PDE10A: variants seen among roughly 807,000 people sequenced by gnomAD.
PDE10A encodes the protein cAMP and cAMP-inhibited cGMP 3',5'-cyclic phosphodiesterase 10A.
In PDE10A, 39 loss-of-function variants were observed where a neutral mutation model predicts 97.7. The observed-to-expected ratio is 0.40, with a 90% CI of 0.31 to 0.52. The LOEUF is 0.52. Among genes scored for constraint, PDE10A ranks in the 20% least tolerant of loss-of-function variants. The pLI is 0.56. For synonymous variants in PDE10A, 371 were observed against 376.8 expected (o/e 0.98, Z 0.18); for missense variants, 731 against 1,047.8 (o/e 0.70, Z 4.17).
At chr6:165,826,690 G>A (rs534692240) in intron 1 of PDE10A, among the ~76,000 whole-genome samples, 24 of 152,028 alleles carry the variant, frequency 1.6e-4, no homozygotes, top group Non-Finnish European at 2.6e-4. Context: ...CTGACCAGAG[G>A]CACGGTGGGA....
At chr6:165,690,613 A>T (rs1402485716) in intron 1 of PDE10A, among the ~76,000 whole-genome samples, 1 of 152,166 alleles carries the variant, frequency 6.6e-6, no homozygotes. Context: ...TAGGATGTTC[A>T]TGGGGCTTCC....
chr6:165,588,271 A>ATTTTTT (rs1207879704), intron 1 of PDE10A, among the ~76,000 whole-genome samples: 6 of 103,408 alleles, frequency 5.8e-5, no homozygotes, highest in Non-Finnish European at 1.1e-4. Context: ...ATAAAGTGAG[A>ATTTTTT]TTTTTTTTTC....
rs9355546 is a variant in PDE10A, at chr6:165,704,392, T to C, written c.-614-160824A>G. 1.1e-3 allele frequency among the ~76,000 whole-genome samples: 160 copies of C among 152,284 alleles called. 4 individuals carry two copies. In the East Asian group the frequency reaches 0.027, roughly 26 times the overall value. On this transcript the variant is annotated intron_variant, in intron 1 of 19. Coordinates refer to the PDE10A transcript ENST00000366882. ...CCCAGTACGGTAGGATATACTCAGCTGAGATAACATCAGCAAAAATGCGCA... is the reference window on the plus strand; with the variant it reads ...CCCAGTACGGTAGGATATACTCAGCCGAGATAACATCAGCAAAAATGCGCA...
intron 1 of PDE10A, among the ~76,000 whole-genome samples, chr6:165,959,820 G>A (rs1784304613): frequency 6.6e-6 from 1 of 152,070 alleles, no homozygotes. Context: ...GGCAACTTAG[G>A]AGGGCCACCC....
intron 1 of PDE10A, among the ~76,000 whole-genome samples, chr6:165,610,530 C>CAA (rs201763144): frequency 7.3e-5 from 4 of 55,058 alleles, no homozygotes; most frequent in Non-Finnish European, 7.7e-5. Flanking sequence ...GACTCCGTCT[C>CAA]AAAAAAAAAA....
chr6:165,400,081 T>C (rs574233767), intron 13 of PDE10A, among the ~76,000 whole-genome samples: 4 of 152,306 alleles, frequency 2.6e-5, no homozygotes, highest in East Asian at 1.9e-4. Context: ...AAGGAAAGGA[T>C]AGTCGATTCA....
intron 1 of PDE10A, among the ~76,000 whole-genome samples, chr6:165,985,573 A>T (rs888629724): frequency 6.6e-6 from 1 of 152,190 alleles, no homozygotes; most frequent in Admixed American, 6.5e-5. Context: ...AAGATTTCAC[A>T]TGACGCAGCC....
intron 21 of PDE10A, among the ~76,000 whole-genome samples, chr6:165,335,836 G>A (rs1431174824): frequency 6.6e-6 from 1 of 151,614 alleles, no homozygotes; most frequent in Non-Finnish European, 1.5e-5. Context: ...ACTGTGTCTG[G>A]CCCCAGCCCC....
intron 1 of PDE10A, among the ~76,000 whole-genome samples, chr6:165,708,025 C>A (rs1198235031): frequency 6.6e-6 from 1 of 152,170 alleles, no homozygotes; most frequent in Non-Finnish European, 1.5e-5. Flanking sequence ...CACAAACCAA[C>A]CCTCTTGACT....
intron 1 of PDE10A, among the ~76,000 whole-genome samples, chr6:165,726,588 C>T (rs1243564853): frequency 6.6e-6 from 1 of 151,066 alleles, no homozygotes; most frequent in Non-Finnish European, 1.5e-5. Flanking sequence ...CCCCGGTGGT[C>T]CACACCTCCT....
chr6:165,500,335 C>T (rs1428412053), intron 2 of PDE10A, among the ~76,000 whole-genome samples: 1 of 152,080 alleles, frequency 6.6e-6, no homozygotes, highest in Non-Finnish European at 1.5e-5. Context: ...AAGAAGTAGA[C>T]ATAAGAGACT....
intron 2 of PDE10A, among the ~76,000 whole-genome samples, chr6:165,494,070 C>T (rs1249201887): frequency 6.6e-6 from 1 of 151,764 alleles, no homozygotes; most frequent in Admixed American, 6.6e-5. Context: ...TGAAAAAATA[C>T]TCAACATCAC....
intron 3 of PDE10A, among the ~76,000 whole-genome samples, chr6:165,481,412 C>A (rs969985929): frequency 6.6e-6 from 1 of 152,094 alleles, no homozygotes; most frequent in Non-Finnish European, 1.5e-5. Context: ...TATCTCCACA[C>A]CCCCAACCCC....
intron 1 of PDE10A, among the ~76,000 whole-genome samples, chr6:165,595,436 T>C (rs989947157): frequency 2.0e-5 from 3 of 152,258 alleles, no homozygotes; most frequent in African/African-American, 7.2e-5. Flanking sequence ...AATTATTATC[T>C]TTCATTGTTC....
At chr6:165,877,554 C>T (rs951325518) in intron 1 of PDE10A, among the ~76,000 whole-genome samples, 23 of 152,194 alleles carry the variant, frequency 1.5e-4, no homozygotes, top group African/African-American at 4.8e-4. Context: ...CATATATATA[C>T]AACTTTTATA....
chr6:165,547,260 C>T (rs1391407899), intron 1 of PDE10A, among the ~76,000 whole-genome samples: 3 of 152,226 alleles, frequency 2.0e-5, no homozygotes, highest in Middle Eastern at 3.4e-3. Flanking sequence ...CTTTCATTTT[C>T]ATTTCATTTT....
intron 1 of PDE10A, among the ~76,000 whole-genome samples, chr6:165,925,839 A>G (rs957784514): frequency 2.0e-5 from 3 of 152,172 alleles, no homozygotes; most frequent in African/African-American, 7.2e-5. Context: ...GTCTGATAAG[A>G]CCACATAGAA....
intron 1 of PDE10A, among the ~76,000 whole-genome samples, chr6:165,835,999 C>T (rs1369069291): frequency 6.6e-6 from 1 of 152,188 alleles, no homozygotes; most frequent in Non-Finnish European, 1.5e-5. Context: ...TGAAGCATGG[C>T]CTTCTATCGG....
intron 2 of PDE10A, among the ~76,000 whole-genome samples, chr6:165,515,773 C>T (rs1316277424): frequency 6.6e-6 from 1 of 152,072 alleles, no homozygotes; most frequent in African/African-American, 2.4e-5. Context: ...CCGCCCACCT[C>T]GGCTTCCCAA....
Sources: allele counts gnomAD v4.1 joint callset (sites outside exome capture counted in the v4.1 genomes callset), GRCh38; gene constraint gnomAD v4.1.1; transcripts MANE v1.5; gene names NCBI Gene and HGNC (gene_info 2026-07-23, HGNC 2026-07-21).